Variants in DPH5 observed in about 807,000 individuals in gnomAD.
DPH5 encodes the protein diphthamide biosynthesis 5.
A neutral mutation model predicts 31.6 loss-of-function variants in DPH5; 31 were observed. That is an observed-to-expected ratio of 0.98 (90% confidence interval 0.74 to 1.32). DPH5 has a LOEUF of 1.32. DPH5 is among the 40% of genes most tolerant of loss of function. The pLI, the probability that DPH5 is intolerant of heterozygous loss-of-function variation, is 0.00. For synonymous variants in DPH5, 120 were observed against 115.0 expected (o/e 1.04, Z -0.28); for missense variants, 309 against 335.7 (o/e 0.92, Z 0.62).
intron 2 of DPH5, 22 bp downstream of exon 2, chr1:101,025,287 C>G (rs1403922852): frequency 6.2e-7 from 1 of 1,611,656 alleles, no homozygotes; most frequent in African/African-American, 1.3e-5. Context: ...TCCCAGGAGG[C>G]TGGGGAACGC....
At chr1:101,019,774 T>C (rs918822609) in intron 3 of DPH5, among the ~76,000 whole-genome samples, 2 of 150,926 alleles carry the variant, frequency 1.3e-5, no homozygotes, top group African/African-American at 2.4e-5. Flanking sequence ...TGAATTCAAA[T>C]ACAAGGCTAT....
chr1:101,021,820 AC>A (rs1660472559), intron 2 of DPH5, 55 bp from the exon 3 acceptor site: 1 of 447,354 alleles, frequency 2.2e-6, no homozygotes, highest in African/African-American at 4.6e-5. Flanking sequence ...CCATTCTAAC[AC>A]ACACACACAC....
rs902213821 is a variant in DPH5, at chr1:101,013,935, C to T, written c.261-117G>A. 4 of 697,762 alleles carry T rather than the reference C, an allele frequency of 5.7e-6. No homozygotes were observed. The African/African-American group carries it at 7.1e-5, about 12-fold the overall frequency. 43.2% of individuals were successfully genotyped at this position (697,762 alleles called of 1,614,324 possible). On this transcript the variant is annotated intron_variant, in intron 3 of 7. Coordinates refer to ENST00000370109, the MANE Select transcript of DPH5 (RefSeq NM_015958.3). Reference sequence around the variant, plus strand: ...CAGGAGCACTGCCTTTCTTCAAATTCTTCCACACACCTGCATAAGGCTTTC... The same window carrying T: ...CAGGAGCACTGCCTTTCTTCAAATTTTTCCACACACCTGCATAAGGCTTTC...
At chr1:101,008,947 A>G (rs1325045827) in intron 4 of DPH5, among the ~76,000 whole-genome samples, 1 of 152,160 alleles carries the variant, frequency 6.6e-6, no homozygotes, top group Non-Finnish European at 1.5e-5. Flanking sequence ...ATGTCCATTC[A>G]CAGTCAATCC....
intron 4 of DPH5, among the ~76,000 whole-genome samples, chr1:101,009,446 C>G (rs1332841873): frequency 6.6e-6 from 1 of 152,122 alleles, no homozygotes; most frequent in Non-Finnish European, 1.5e-5. Flanking sequence ...CATAAAGACC[C>G]CAATTCCTTT....
intron 5 of DPH5, among the ~76,000 whole-genome samples, chr1:100,996,511 A>G (rs1247895756): frequency 6.6e-6 from 1 of 152,132 alleles, no homozygotes; most frequent in Non-Finnish European, 1.5e-5. Context: ...CTCTATTTCT[A>G]CTTGCTAGAA....
At chr1:100,999,096 A>G (rs1225819457) in intron 5 of DPH5, among the ~76,000 whole-genome samples, 1 of 152,242 alleles carries the variant, frequency 6.6e-6, no homozygotes, top group Non-Finnish European at 1.5e-5. Flanking sequence ...CCTGCTGTAG[A>G]TATTAATTTC....
At chr1:101,023,848 C>T (rs1660642667) in intron 2 of DPH5, among the ~76,000 whole-genome samples, 1 of 152,192 alleles carries the variant, frequency 6.6e-6, no homozygotes, top group Non-Finnish European at 1.5e-5. Context: ...AAAAAAGACA[C>T]TAAAGTTAAA....
Position 100,990,367 on chromosome 1 carries a change from T to G in DPH5, c.*41A>C, listed in dbSNP as rs779748152. 23 of 1,583,962 alleles carry G rather than the reference T, an allele frequency of 1.5e-5. No individual in the cohort carries two copies. Among genetic ancestry groups the G allele is most frequent in the Non-Finnish European group, 1.9e-5 (22 of 1,154,172 alleles). On this transcript the variant is annotated 3_prime_UTR_variant, in exon 8 of 8. Transcript: ENST00000370109. Reference sequence around the variant, plus strand: ...TACATCCAAACCATATCAATCCATATATGGCTGAAATTTACATCAGACAAT... The same window carrying G: ...TACATCCAAACCATATCAATCCATAGATGGCTGAAATTTACATCAGACAAT...
chr1:101,005,897 GGGAGGGACCC>G (rs1179701851), intron 4 of DPH5, among the ~76,000 whole-genome samples: 6 of 152,068 alleles, frequency 3.9e-5, no homozygotes, highest in Non-Finnish European at 7.4e-5. Context: ...CACATGTTGT[GGGAGGGACCC>G]GGTAGTGGGG....
intron 3 of DPH5, among the ~76,000 whole-genome samples, chr1:101,020,761 T>TC (rs1660384071): frequency 6.6e-6 from 1 of 152,130 alleles, no homozygotes; most frequent in African/African-American, 2.4e-5. Context: ...TTTACTCCTT[T>TC]CCTTTTCCTT....
intron 3 of DPH5, among the ~76,000 whole-genome samples, chr1:101,018,580 A>C (rs548380039): frequency 6.6e-6 from 1 of 152,160 alleles, no homozygotes; most frequent in African/African-American, 2.4e-5. Context: ...CGTTTTTGAC[A>C]TAAGTGTGGC....
At chr1:101,023,067 C>T (rs1170260602) in intron 2 of DPH5, 2 of 152,206 alleles carry the variant, frequency 1.3e-5, no homozygotes, top group Non-Finnish European at 1.5e-5. Context: ...ATGGCACACG[C>T]CTGTAATCCC....
At chr1:100,991,070 ATC>A (rs1364600491) in intron 7 of DPH5, among the ~76,000 whole-genome samples, 5 of 152,220 alleles carry the variant, frequency 3.3e-5, no homozygotes, top group African/African-American at 1.2e-4. Context: ...CTGCCTTGCC[ATC>A]CAATTAGCTG....
rs747561759 is a variant in DPH5 at position 100,992,723 on chromosome 1, T to G, written c.548A>C (p.Glu183Ala). ...ENLIKGRKIYEPPRYMSVNQA... is the reference protein window; with the variant it reads ...ENLIKGRKIYAPPRYMSVNQA... ...GTTTACACTCATATACCGTGGAGGT[T>G]CATAGATCTTCCTTCCCCTATAGGC... The change falls in exon 7 of 8, where the codon GAA becomes GCA. Residue 183 changes from glutamate (E) to alanine (A), a missense_variant. Transcript: ENST00000370109. 3 of 1,612,842 alleles carry G rather than the reference T, an allele frequency of 1.9e-6. No homozygotes were observed. The highest frequency in any genetic ancestry group is 2.5e-6 in the Non-Finnish European group (3 of 1,179,210).
intron 5 of DPH5, among the ~76,000 whole-genome samples, chr1:100,999,407 G>A (rs1252497030): frequency 6.6e-6 from 1 of 152,142 alleles, no homozygotes; most frequent in East Asian, 1.9e-4. Context: ...CTGAGATTGT[G>A]ACACTGCACT....
chr1:101,021,856 ACACT>A, intron 2 of DPH5, 91 bp from the exon 3 acceptor site: 1 of 1,146,268 alleles, frequency 8.7e-7, no homozygotes. Flanking sequence ...ACACACACAC[ACACT>A]CTTTGTTTGG....
intron 5 of DPH5, among the ~76,000 whole-genome samples, chr1:101,000,156 A>G (rs986782025): frequency 6.6e-6 from 1 of 152,162 alleles, no homozygotes; most frequent in Non-Finnish European, 1.5e-5. Flanking sequence ...TGAAAAAAAA[A>G]AAGTGGCAAA....
intron 5 of DPH5, among the ~76,000 whole-genome samples, chr1:101,001,030 A>G (rs1423999944): frequency 1.3e-5 from 2 of 152,238 alleles, no homozygotes; most frequent in Non-Finnish European, 2.9e-5. Context: ...ACAGGCCTCA[A>G]TAAGATGATC....
Sources: gnomAD v4.1 joint callset for allele counts (sites outside exome capture counted in the v4.1 genomes callset) on GRCh38, gnomAD v4.1.1 for gene constraint, MANE v1.5 for transcripts, NCBI Gene and HGNC (gene_info 2026-07-23, HGNC 2026-07-21) for gene names.